The following RNF111 variants were observed in gnomAD, a reference collection of about 807,000 sequenced individuals.
RNF111 encodes the protein E3 ubiquitin-protein ligase Arkadia.
RNF111 carries 17 observed loss-of-function variants against 95.1 expected under a neutral mutation model. The observed-to-expected ratio is 0.18, with a 90% CI of 0.12 to 0.27. The LOEUF is 0.27. RNF111 is among the 10% of genes least tolerant of loss of function. RNF111 has a pLI of 1.00. For missense variants in RNF111, 1,189 were observed against 1,210.4 expected (o/e 0.98, Z 0.26); for synonymous variants, 440 against 414.8 (o/e 1.06, Z -0.74).
At chr15:59,066,514 G>A (rs539669825) in intron 5 of RNF111, among the ~76,000 whole-genome samples, 13 of 152,216 alleles carry the variant, frequency 8.5e-5, no homozygotes, top group Middle Eastern at 3.4e-3. Context: ...GGAGGCTGAG[G>A]GAGGAAAATC....
intron 1 of RNF111, among the ~76,000 whole-genome samples, chr15:59,012,759 G>T (rs1209769267): frequency 2.3e-4 from 32 of 139,816 alleles, no homozygotes; most frequent in Non-Finnish European, 2.8e-4. Flanking sequence ...TTTTTTTTGA[G>T]ACAGAGTCTT....
rs189916012 is a variant in RNF111 at position 59,073,979 on chromosome 15, A to C, written c.1687-1975A>C. 3.3e-5 allele frequency among the ~76,000 whole-genome samples: 5 copies of C among 152,362 alleles called. No homozygotes were observed. The East Asian group carries it at 9.6e-4, about 29-fold the overall frequency. The stretch of plus-strand genomic sequence containing the variant: ...TCAGAGCTCTTTGGTGACTATGTGC[A>C]TTGTCAAGAAACAGCAATTTTCTTT... On this transcript the variant is annotated intron_variant, in intron 6 of 13. Transcript: ENST00000348370.
intron 1 of RNF111, chr15:59,004,181 A>C: frequency 1.1e-5 from 13 of 1,147,820 alleles, no homozygotes; most frequent in Non-Finnish European, 1.4e-5. Flanking sequence ...TAAGGTCTCA[A>C]CTTTGTTTTT....
At chr15:59,011,591 T>G (rs2039817188) in intron 1 of RNF111, among the ~76,000 whole-genome samples, 1 of 152,220 alleles carries the variant, frequency 6.6e-6, no homozygotes, top group South Asian at 2.1e-4. Flanking sequence ...GAGGCCCCTC[T>G]TCTTGGTTTA....
chr15:59,087,416 G>A (rs1446839459), intron 10 of RNF111, among the ~76,000 whole-genome samples: 3 of 152,138 alleles, frequency 2.0e-5, no homozygotes, highest in East Asian at 1.9e-4. Flanking sequence ...CCTCACAGTC[G>A]AAAATCAGAG....
In RNF111 at chr15:59,070,029, C is replaced by CT. The variant is rs1189748185; in HGVS notation, c.1686+2976dup. Among the ~76,000 whole-genome samples, 181 of 22,678 alleles carry CT rather than the reference C, an allele frequency of 8.0e-3. 15 individuals carry two copies. Among genetic ancestry groups the CT allele is most frequent in the African/African-American group, 0.016 (68 of 4,266 alleles). The allele number at this position is 22,678 out of a possible 152,430, so 14.9% of individuals were successfully genotyped here. On this transcript the variant is annotated intron_variant, in intron 6 of 13. Coordinates refer to ENST00000348370, the MANE Select transcript of RNF111 (RefSeq NM_017610.8). The stretch of plus-strand genomic sequence containing the variant: ...CCCCCCAACCCCACCCCACCTCCTG[C>CT]TTTTTTTTTTTTTTTTTTTTTTTTT...
intron 1 of RNF111, among the ~76,000 whole-genome samples, chr15:59,001,041 A>G (rs1437175174): frequency 2.0e-5 from 3 of 152,180 alleles, no homozygotes; most frequent in African/African-American, 7.2e-5. Flanking sequence ...GGTATTAACT[A>G]CTAATGTGAG....
At chr15:59,021,281 G>T (rs2040328711) in intron 1 of RNF111, among the ~76,000 whole-genome samples, 1 of 152,176 alleles carries the variant, frequency 6.6e-6, no homozygotes, top group Non-Finnish European at 1.5e-5. Flanking sequence ...CTGGCCAGTA[G>T]CTGGGATTAC....
At chr15:59,084,020 T>A (rs1401610219) in intron 8 of RNF111, 109 bp from the exon 9 acceptor site, 1 of 820,720 alleles carries the variant, frequency 1.2e-6, no homozygotes, top group African/African-American at 1.8e-5. Flanking sequence ...TTATGACTAA[T>A]CTATAGATGT....
chr15:59,096,491 C>G lies in RNF111; in HGVS notation c.*1591C>G, dbSNP rs1247858073. 3.2e-5 allele frequency: 5 copies of G among 158,362 alleles called. No individual in the cohort carries two copies. The Admixed American group carries it at 3.2e-4, about 10-fold the overall frequency. The allele number at this position is 158,362 out of a possible 1,614,324, so 9.8% of individuals were successfully genotyped here. On this transcript the variant is annotated 3_prime_UTR_variant, in exon 14 of 14. Coordinates refer to ENST00000348370, the MANE Select transcript of RNF111 (RefSeq NM_017610.8). The stretch of plus-strand genomic sequence containing the variant: ...TTACATTAAACATCTTGGAATTCAA[C>G]AATAGTGATCTCACTCAAATTGACA...
chr15:59,019,484 C>A (rs189265626), intron 1 of RNF111, among the ~76,000 whole-genome samples: 152 of 152,148 alleles, frequency 1.0e-3, no homozygotes, highest in African/African-American at 3.6e-3. Context: ...TGAGGTCTCT[C>A]GCTCTTTACT....
intron 1 of RNF111, among the ~76,000 whole-genome samples, chr15:59,007,192 C>T (rs563891283): frequency 6.6e-5 from 10 of 152,240 alleles, no homozygotes; most frequent in African/African-American, 2.4e-4. Flanking sequence ...ACACGAACAA[C>T]CATGACCTCA....
At chr15:58,992,832 T>G (rs1412875040) in intron 1 of RNF111, among the ~76,000 whole-genome samples, 1 of 151,690 alleles carries the variant, frequency 6.6e-6, no homozygotes, top group Non-Finnish European at 1.5e-5. Context: ...AATAAATAAG[T>G]AAATGAAATA....
Position 58,987,736 on chromosome 15 carries a change from G to A in RNF111, c.-352G>A. The A allele has an allele frequency of 5.5e-6, 1 of 181,388 alleles. No individual in the cohort carries two copies. Among genetic ancestry groups the A allele is most frequent in the South Asian group, 1.1e-4 (1 of 8,812 alleles). 11.2% of individuals were successfully genotyped at this position (181,388 alleles called of 1,614,324 possible). On this transcript the variant is annotated 5_prime_UTR_variant, in exon 1 of 14. Transcript: ENST00000348370. ...CGGCGAAGCGGCGGCGGCGGCTGTA[G>A]GGGAGCAGCGGCAGTGGCGGCGACG...
chr15:59,044,286 C>G (rs556446245), intron 2 of RNF111, among the ~76,000 whole-genome samples: 29 of 152,196 alleles, frequency 1.9e-4, no homozygotes, highest in Non-Finnish European at 3.2e-4. Flanking sequence ...CTGCCTTGGC[C>G]TCCCAAAGTG....
At chr15:59,068,428 G>A (rs2042762564) in intron 6 of RNF111, among the ~76,000 whole-genome samples, 1 of 151,982 alleles carries the variant, frequency 6.6e-6, no homozygotes, top group African/African-American at 2.4e-5. Context: ...CCAACATGGT[G>A]AAATCCCATT....
chr15:59,061,171 T>A (rs1421357725), intron 5 of RNF111, among the ~76,000 whole-genome samples: 1 of 152,180 alleles, frequency 6.6e-6, no homozygotes, highest in African/African-American at 2.4e-5. Flanking sequence ...CCAAAAACTT[T>A]TATATATAAA....
At chr15:58,989,497 T>TG (rs2038715462) in intron 1 of RNF111, among the ~76,000 whole-genome samples, 1 of 152,230 alleles carries the variant, frequency 6.6e-6, no homozygotes, top group African/African-American at 2.4e-5. Context: ...TGAGTCTCCT[T>TG]GTTTATCACG....
chr15:59,044,528 T>A (rs1330545028), intron 2 of RNF111, among the ~76,000 whole-genome samples: 1 of 152,192 alleles, frequency 6.6e-6, no homozygotes, highest in Admixed American at 6.5e-5. Flanking sequence ...TTATCATTGT[T>A]GTACTACTCA....
Sources: allele counts gnomAD v4.1 joint callset (sites outside exome capture counted in the v4.1 genomes callset), GRCh38; gene constraint gnomAD v4.1.1; transcripts MANE v1.5; gene names NCBI Gene and HGNC (gene_info 2026-07-23, HGNC 2026-07-21).